The following KCNC1 variants were observed in gnomAD, a reference collection of about 807,000 sequenced individuals.
KCNC1 encodes the protein potassium voltage-gated channel subfamily C member 1.
KCNC1 carries 8 observed loss-of-function variants against 43.4 expected under a neutral mutation model. That is an observed-to-expected ratio of 0.18 (90% CI 0.11 to 0.33). The LOEUF is 0.33. Ranked by LOEUF, KCNC1 falls within the 10% of genes least tolerant of loss-of-function variation. KCNC1 has a pLI of 1.00. For synonymous variants in KCNC1, 361 were observed against 360.5 expected, an observed-to-expected ratio of 1.00 and a Z score of -0.01; for missense variants, 420 against 836.0, an observed-to-expected ratio of 0.50 and a Z score of 6.14.
chr11:17,767,228 T>G (rs1590104496), intron 1 of KCNC1, among the ~76,000 whole-genome samples: 1 of 144,068 alleles, frequency 6.9e-6, no homozygotes, highest in Non-Finnish European at 1.5e-5. Context: ...GAGGTTGCAG[T>G]GAGCCAAGAT....
chr11:17,763,100 A>G (rs1369414585), intron 1 of KCNC1, among the ~76,000 whole-genome samples: 1 of 152,188 alleles, frequency 6.6e-6, no homozygotes, highest in East Asian at 1.9e-4. Flanking sequence ...GATATGACCC[A>G]GGTGTAGGGT....
intron 2 of KCNC1, among the ~76,000 whole-genome samples, chr11:17,778,466 C>T (rs1312856550): frequency 6.6e-6 from 1 of 152,232 alleles, no homozygotes; most frequent in South Asian, 2.1e-4. Flanking sequence ...GGAATGGGAG[C>T]CCCTCCCAAA....
rs1052949322 is a variant in KCNC1, at chr11:17,739,075, T to A, written c.570+2503T>A. 2.0e-5 allele frequency among the ~76,000 whole-genome samples: 3 copies of A among 152,174 alleles called. No individual in the cohort carries two copies. The East Asian group carries it at 5.8e-4, about 29-fold the overall frequency. On this transcript the variant is annotated intron_variant, in intron 1 of 3. Coordinates refer to ENST00000265969, the MANE Select transcript of KCNC1 (RefSeq NM_001112741.2). This position sits in a 1 kb window ranked among gnomAD's most constrained non-coding sequence, Gnocchi z 4.2. ...CACTGCGCTGCCTCTCTGCGGCTCA[T>A]CTGCGCACAGACCAGCCGCCTGCCC...
intron 1 of KCNC1, among the ~76,000 whole-genome samples, chr11:17,737,460 C>T (rs1185863884): frequency 6.6e-6 from 1 of 152,090 alleles, no homozygotes; most frequent in Non-Finnish European, 1.5e-5. Context: ...CAGCTTGTTC[C>T]TAGGAAGAAA....
At chr11:17,737,658 G>A (rs10832854) in intron 1 of KCNC1, among the ~76,000 whole-genome samples, 83,623 of 152,020 alleles carry the variant, frequency 0.55, 25,284 homozygotes, top group Middle Eastern at 0.68. Context: ...CCTTCACTGG[G>A]CTCTGTCCTT....
rs570039863 is a variant in KCNC1, at chr11:17,735,868, C to T, written c.-135C>T. ...GCTCGCTCGTTGGGGTGGCCAGAGC[C>T]GCAGGCCTCTGTTCCCCCCGACGGC... On this transcript the variant is annotated 5_prime_UTR_variant, in exon 1 of 4. Transcript: ENST00000265969. This position sits in a 1 kb window ranked among gnomAD's most constrained non-coding sequence, Gnocchi z 6.7. 3.1e-3 allele frequency: 3,284 copies of T among 1,046,576 alleles called. 4 individuals are homozygous for T. The highest frequency in any genetic ancestry group is 5.2e-3 in the Middle Eastern group (16 of 3,100). 64.8% of individuals were successfully genotyped at this position (1,046,576 alleles called of 1,614,324 possible).
At chr11:17,775,610 G>A (rs1386053616) in intron 2 of KCNC1, 8 of 985,486 alleles carry the variant, frequency 8.1e-6, no homozygotes, top group Non-Finnish European at 9.6e-6. Context: ...GCAGTCGGAT[G>A]CCCAGACCGC....
chr11:17,767,306 G>C (rs1010511833), intron 1 of KCNC1, among the ~76,000 whole-genome samples: 5 of 144,336 alleles, frequency 3.5e-5, no homozygotes, highest in Admixed American at 1.4e-4. Flanking sequence ...AAAAAGAAAA[G>C]AAAAGAAAAG....
At chr11:17,746,708 A>G (rs1012938931) in intron 1 of KCNC1, among the ~76,000 whole-genome samples, 2 of 152,074 alleles carry the variant, frequency 1.3e-5, no homozygotes, top group African/African-American at 4.8e-5. Context: ...TAGAAAGTGT[A>G]TGGGCTTTGC....
At chr11:17,768,617 G>A (rs898064437) in intron 1 of KCNC1, among the ~76,000 whole-genome samples, 4 of 151,778 alleles carry the variant, frequency 2.6e-5, no homozygotes, top group Admixed American at 6.6e-5. Context: ...GTTGGTGGGG[G>A]GGGGGGCGGT....
At chr11:17,749,715 T>C (rs948295829) in intron 1 of KCNC1, among the ~76,000 whole-genome samples, 6 of 152,188 alleles carry the variant, frequency 3.9e-5, no homozygotes, top group African/African-American at 1.4e-4. Context: ...AACCCACGTG[T>C]GTGGCTGTCA....
In KCNC1 at chr11:17,736,646, G is replaced by T; in HGVS notation, c.570+74G>T. The T allele has an allele frequency of 6.9e-7, 1 of 1,443,062 alleles. No individual in the cohort carries two copies. The highest frequency in any genetic ancestry group is 1.5e-5 in the South Asian group (1 of 68,040). 89.4% of individuals were successfully genotyped at this position (1,443,062 alleles called of 1,614,324 possible). Reference sequence around the variant, plus strand: ...CTGTGCCTCCCCGCGGGCAGGGGTGGACCGGAGAACTGGCGCCTAGGGAGT... The same window carrying T: ...CTGTGCCTCCCCGCGGGCAGGGGTGTACCGGAGAACTGGCGCCTAGGGAGT... On this transcript the variant is annotated intron_variant, in intron 1 of 3. Coordinates refer to ENST00000265969, the MANE Select transcript of KCNC1 (RefSeq NM_001112741.2). This position sits in a 1 kb window ranked among gnomAD's most constrained non-coding sequence, Gnocchi z 9.3.
At position 17,776,836 on chromosome 11, in the gene KCNC1, C is replaced by T; in HGVS notation, c.1505-2620C>T. Reference sequence around the variant, plus strand: ...GTTTCTCTTTCTTCAAGCCACCCCTCTGGAGTTGGGGAGGGAGAATGCCCC... The same window carrying T: ...GTTTCTCTTTCTTCAAGCCACCCCTTTGGAGTTGGGGAGGGAGAATGCCCC... On this transcript the variant is annotated intron_variant, in intron 2 of 3. Coordinates refer to ENST00000265969, the MANE Select transcript of KCNC1 (RefSeq NM_001112741.2). The surrounding 1 kb of genome is among the most constrained non-coding windows in gnomAD (Gnocchi z 4.4). 1 of 985,700 alleles carries T rather than the reference C, an allele frequency of 1.0e-6. No homozygotes were observed. Among genetic ancestry groups the T allele is most frequent in the Non-Finnish European group, 1.2e-6 (1 of 830,192 alleles). The allele number at this position is 985,700 out of a possible 1,614,324, so 61.1% of individuals were successfully genotyped here.
chr11:17,767,089 G>A (rs180982877), intron 1 of KCNC1, among the ~76,000 whole-genome samples: 123 of 150,802 alleles, frequency 8.2e-4, no homozygotes, highest in African/African-American at 2.4e-3. Flanking sequence ...CTGAGATTGC[G>A]CCATTGCACT....
chr11:17,758,977 C>T (rs913375945), intron 1 of KCNC1, among the ~76,000 whole-genome samples: 2 of 152,212 alleles, frequency 1.3e-5, no homozygotes, highest in African/African-American at 4.8e-5. Context: ...CAGGCATTGA[C>T]TTCTTCTCTC....
rs60349741 is a variant in KCNC1, at chr11:17,774,564, A to C, written c.1504+1966A>C. 5.0e-3 allele frequency: 4,935 copies of C among 985,572 alleles called. 136 individuals carry two copies. The African/African-American group carries it at 0.06, about 12-fold the overall frequency. 61.1% of individuals were successfully genotyped at this position (985,572 alleles called of 1,614,324 possible). On this transcript the variant is annotated intron_variant, in intron 2 of 3. Coordinates refer to ENST00000265969, the MANE Select transcript of KCNC1 (RefSeq NM_001112741.2). ...ATGTGTTTGTTCAGACATGCACACC[A>C]GCTAATCCCAGGACACAAAACCTGT...
At chr11:17,765,687 C>A (rs1467998940) in intron 1 of KCNC1, 1 of 152,210 alleles carries the variant, frequency 6.6e-6, no homozygotes, top group Non-Finnish European at 1.5e-5. Flanking sequence ...GACGATCTCG[C>A]CTGTGTTGTC....
chr11:17,779,577 A>T lies in KCNC1; in HGVS notation c.1626A>T (p.Arg542Ser). 1 of 1,551,528 alleles carries T rather than the reference A, an allele frequency of 6.4e-7. No homozygotes were observed. The highest frequency in any genetic ancestry group is 8.7e-7 in the Non-Finnish European group (1 of 1,146,964). ...LPFTRSGTRE[R>S]YGPCFLLSTG... is the part of the protein sequence containing the mutation. ...TTACGCGCTCGGGCACCCGCGAGAG[A>T]TACGGACCCTGCTTCCTCTTATCAA... The change falls in exon 3 of 4, where the codon AGA becomes AGT. Residue 542 changes from arginine to serine, a missense_variant. Physicochemically the swap from Arg to Ser is moderately radical, Grantham distance 110. Coordinates refer to ENST00000265969, the MANE Select transcript of KCNC1 (RefSeq NM_001112741.2). The surrounding 1 kb of genome is among the most constrained non-coding windows in gnomAD (Gnocchi z 7.2).
intron 1 of KCNC1, among the ~76,000 whole-genome samples, chr11:17,764,584 C>T (rs773036697): frequency 2.0e-5 from 3 of 152,224 alleles, no homozygotes; most frequent in Non-Finnish European, 2.9e-5. Flanking sequence ...GTTCCTGGAA[C>T]ATGCTCACAC....
Sources: allele counts gnomAD v4.1 joint callset (sites outside exome capture counted in the v4.1 genomes callset), GRCh38; gene constraint gnomAD v4.1.1; non-coding constraint Gnocchi (gnomAD v3.1); transcripts MANE v1.5; gene names NCBI Gene and HGNC (gene_info 2026-07-23, HGNC 2026-07-21).